The following ANKRD30B variants were observed in gnomAD, a reference collection of about 807,000 sequenced individuals.
ANKRD30B encodes the protein ankyrin repeat domain 30B.
ANKRD30B carries 144 observed loss-of-function variants against 202.2 expected under a neutral mutation model. That is an observed-to-expected ratio of 0.71 (90% CI 0.62 to 0.82). ANKRD30B has a LOEUF of 0.82. Ranked by LOEUF, ANKRD30B falls within the 40% of genes least tolerant of loss-of-function variation. ANKRD30B has a pLI of 0.00. For synonymous variants in ANKRD30B, 508 were observed against 561.3 expected, an observed-to-expected ratio of 0.91 and a Z score of 1.34; for missense variants, 1,487 against 1,669.1, an observed-to-expected ratio of 0.89 and a Z score of 1.90.
intron 4 of ANKRD30B, among the ~76,000 whole-genome samples, chr18:14,755,346 C>T (rs1232271334): frequency 6.6e-6 from 1 of 151,968 alleles, no homozygotes; most frequent in African/African-American, 2.4e-5. Flanking sequence ...GAATTATTAA[C>T]AGTTTTATAG....
At chr18:14,792,405 G>A (rs1360131489) in intron 16 of ANKRD30B, among the ~76,000 whole-genome samples, 2 of 152,094 alleles carry the variant, frequency 1.3e-5, no homozygotes, top group East Asian at 3.9e-4. Flanking sequence ...AGAAATTGTA[G>A]ACGGAAGATA....
chr18:14,748,282 G>A lies in ANKRD30B; in HGVS notation c.-138G>A. On this transcript the variant is annotated 5_prime_UTR_variant, in exon 1 of 44. Coordinates refer to ENST00000690538, the MANE Select transcript of ANKRD30B (RefSeq NM_001367607.2). The stretch of plus-strand genomic sequence containing the variant: ...AGAAATTTCTGCTGGTGTTGGGGCG[G>A]GTGCGGGAACTGAAGACGGGCGAGT... 2 of 628,364 alleles carry A rather than the reference G, an allele frequency of 3.2e-6. No individual in the cohort carries two copies. Among genetic ancestry groups the A allele is most frequent in the Non-Finnish European group, 5.3e-6 (2 of 379,196 alleles). 38.9% of individuals were successfully genotyped at this position (628,364 alleles called of 1,614,324 possible). A position where few individuals can be genotyped will look rare whatever the true frequency, so the allele number is the denominator to read the frequency against.
At chr18:14,758,040 G>A (rs1598569207) in intron 5 of ANKRD30B, 88 bp downstream of exon 5, 3 of 1,429,876 alleles carry the variant, frequency 2.1e-6, no homozygotes, top group East Asian at 5.0e-5. Context: ...CACTTCATCA[G>A]CCAGAAACTA....
chr18:14,933,351 C>T, the ANKRD30B span, among the ~76,000 whole-genome samples: 1 of 152,212 alleles, frequency 6.6e-6, no homozygotes, highest in Non-Finnish European at 1.5e-5. Context: ...CCGGCAGCTC[C>T]TGTCCTGTTC....
chr18:14,921,895 G>A, the ANKRD30B span, among the ~76,000 whole-genome samples: 2 of 152,074 alleles, frequency 1.3e-5, no homozygotes, highest in Admixed American at 6.5e-5. Context: ...CAGAGCAAGA[G>A]GGTCAAAAAG....
intron 14 of ANKRD30B, among the ~76,000 whole-genome samples, chr18:14,786,828 C>T (rs1349265239): frequency 1.3e-5 from 2 of 152,132 alleles, no homozygotes; most frequent in Non-Finnish European, 2.9e-5. Context: ...TATTTTTCTT[C>T]ATTCTAATGA....
rs537890997 is a variant in ANKRD30B, at chr18:14,816,429, A to C, written c.2641+1718A>C. The C allele has an allele frequency of 5.9e-5, 9 of 152,182 alleles. No individual in the cohort carries two copies. In the East Asian group the frequency reaches 1.7e-3, roughly 29 times the overall value. The allele number at this position is 152,182 out of a possible 1,614,324, so 9.4% of individuals were successfully genotyped here. On this transcript the variant is annotated intron_variant, in intron 30 of 43. Coordinates refer to ENST00000690538, the MANE Select transcript of ANKRD30B (RefSeq NM_001367607.2). The stretch of plus-strand genomic sequence containing the variant: ...GGGAGGCAGAGGCATGCGGATCACG[A>C]GGTCAGCAGATCGAGACCATCCTGG...
intron 3 of ANKRD30B, among the ~76,000 whole-genome samples, chr18:14,754,440 A>G (rs1224973259): frequency 6.6e-6 from 1 of 152,182 alleles, no homozygotes; most frequent in African/African-American, 2.4e-5. Flanking sequence ...GAACATAGAT[A>G]ATGGTGGAAT....
At chr18:14,800,097 T>G (rs1383818902) in intron 22 of ANKRD30B, among the ~76,000 whole-genome samples, 2 of 151,110 alleles carry the variant, frequency 1.3e-5, no homozygotes, top group East Asian at 3.9e-4. Flanking sequence ...CCGGTTGTGG[T>G]GGTGGGTGCC....
At chr18:14,860,852 G>GCGC in the ANKRD30B span, among the ~76,000 whole-genome samples, 1 of 151,890 alleles carries the variant, frequency 6.6e-6, no homozygotes, top group Non-Finnish European at 1.5e-5. Flanking sequence ...TTGCAGGTGT[G>GCGC]CACCACCACA....
the ANKRD30B span, among the ~76,000 whole-genome samples, chr18:14,873,729 A>G: frequency 6.6e-6 from 1 of 152,114 alleles, no homozygotes; most frequent in African/African-American, 2.4e-5. Flanking sequence ...GGAGTTCTCA[A>G]TAACATCAGC....
In ANKRD30B at chr18:14,850,244, A is replaced by C; in HGVS notation, c.3426A>C (p.Arg1142Ser). 2.5e-6 allele frequency: 4 copies of C among 1,576,908 alleles called. No homozygotes were observed. Among genetic ancestry groups the C allele is most frequent in the Non-Finnish European group, 3.4e-6 (4 of 1,166,262 alleles). Residue 1142 changes from arginine to serine, a missense_variant, in exon 41 of 44, where the codon AGA (arginine) becomes AGC (serine). Around this residue, in one of 6 missense-constraint regions of ANKRD30B, gnomAD observed 177 missense variants for 216.4 expected, o/e 0.82. Coordinates refer to ENST00000690538, the MANE Select transcript of ANKRD30B (RefSeq NM_001367607.2). ...RLTLNQEEEK[R>S]RNVDILKEKI... ...CTTTAAATCAAGAAGAAGAGAAGAG[A>C]AGAAATGTCGATATATTAAAAGAAA...
At chr18:14,927,264 T>A in the ANKRD30B span, among the ~76,000 whole-genome samples, 1 of 152,212 alleles carries the variant, frequency 6.6e-6, no homozygotes, top group East Asian at 1.9e-4. Flanking sequence ...AAATACCCAC[T>A]AATTCCATAA....
At chr18:14,760,405 A>C (rs1915067992) in intron 5 of ANKRD30B, 149 bp from the exon 6 acceptor site, 3 of 513,974 alleles carry the variant, frequency 5.8e-6, no homozygotes, top group Non-Finnish European at 1.0e-5. Context: ...AAGTTCATAG[A>C]GCTTACAAAC....
At chr18:14,831,025 A>G (rs1970897444) in intron 33 of ANKRD30B, among the ~76,000 whole-genome samples, 1 of 151,992 alleles carries the variant, frequency 6.6e-6, no homozygotes, top group African/African-American at 2.4e-5. Context: ...TACTAAAAAT[A>G]CAAAAAATTA....
the ANKRD30B span, among the ~76,000 whole-genome samples, chr18:14,887,050 G>T: frequency 6.6e-6 from 1 of 151,926 alleles, no homozygotes; most frequent in East Asian, 1.9e-4. Context: ...TTATGTAAAG[G>T]GACTTGAATG....
the ANKRD30B span, among the ~76,000 whole-genome samples, chr18:14,926,980 T>C: frequency 6.6e-6 from 1 of 152,146 alleles, no homozygotes. Flanking sequence ...AGAGACTATC[T>C]CTGAGAGGAA....
At chr18:14,865,218 G>A in the ANKRD30B span, among the ~76,000 whole-genome samples, 21 of 149,016 alleles carry the variant, frequency 1.4e-4, no homozygotes, top group South Asian at 2.1e-4. Context: ...TTTCCTCCTC[G>A]CCACCCTCTT....
At chr18:14,854,091 G>A (rs1971994473) in intron 43 of ANKRD30B, among the ~76,000 whole-genome samples, 101 bp from the exon 44 acceptor site, 2 of 151,540 alleles carry the variant, frequency 1.3e-5, no homozygotes, top group African/African-American at 4.9e-5. Flanking sequence ...TCTTTTATAT[G>A]TTCATTATAA....
Sources: gnomAD v4.1 joint callset for allele counts (sites outside exome capture counted in the v4.1 genomes callset) on GRCh38, gnomAD v4.1.1 for gene constraint, gnomAD v4.1.1 regional missense constraint, MANE v1.5 for transcripts, NCBI Gene and HGNC (gene_info 2026-07-23, HGNC 2026-07-21) for gene names.